Variants in ESR1 observed in about 807,000 individuals in gnomAD.
The protein encoded by ESR1 is estrogen receptor 1, also known as estrogen receptor.
In ESR1, 12 loss-of-function variants were observed where a neutral mutation model predicts 52.7. That is an observed-to-expected ratio of 0.23 (90% CI 0.15 to 0.37). The LOEUF is 0.37. ESR1 is among the 10% of genes least tolerant of loss of function. ESR1 has a pLI of 1.00. For missense variants in ESR1, 584 were observed against 779.7 expected (o/e 0.75, Z 2.99); for synonymous variants, 305 against 316.8 (o/e 0.96, Z 0.39).
intron 3 of ESR1, among the ~76,000 whole-genome samples, chr6:151,939,768 T>C (rs2034825746): frequency 6.6e-6 from 1 of 152,104 alleles, no homozygotes. Flanking sequence ...CATATAATAT[T>C]TTATATTATT....
chr6:151,815,733 C>G (rs937468276), intron 1 of ESR1, among the ~76,000 whole-genome samples: 3 of 152,318 alleles, frequency 2.0e-5, no homozygotes, highest in South Asian at 2.1e-4. Flanking sequence ...AGTCAACACT[C>G]ACGGTGCTTT....
intron 3 of ESR1, among the ~76,000 whole-genome samples, chr6:151,940,616 A>G (rs2034942843): frequency 6.6e-6 from 1 of 152,222 alleles, no homozygotes; most frequent in Non-Finnish European, 1.5e-5. Flanking sequence ...CCAAGAAGGG[A>G]AATATCATGA....
chr6:151,716,967 C>A (rs1781091078), intron 2 of ESR1, among the ~76,000 whole-genome samples: 1 of 152,206 alleles, frequency 6.6e-6, no homozygotes, highest in Non-Finnish European at 1.5e-5. Context: ...GAGGCATAGG[C>A]ACCCAAGGGA....
intron 2 of ESR1, among the ~76,000 whole-genome samples, chr6:151,749,765 G>A (rs928164198): frequency 6.6e-6 from 1 of 152,132 alleles, no homozygotes; most frequent in Non-Finnish European, 1.5e-5. Context: ...GAGGCAGCTC[G>A]CTGTGCTACT....
At chr6:151,744,850 T>C (rs1405880124) in intron 2 of ESR1, among the ~76,000 whole-genome samples, 1 of 152,236 alleles carries the variant, frequency 6.6e-6, no homozygotes, top group African/African-American at 2.4e-5. Context: ...TCAGCTCTTA[T>C]ATTTAGGTCT....
intron 2 of ESR1, among the ~76,000 whole-genome samples, chr6:151,875,362 A>C (rs185227241): frequency 1.4e-3 from 207 of 152,286 alleles, no homozygotes; most frequent in African/African-American, 4.7e-3. Flanking sequence ...ATAGAACCCC[A>C]GTCATCCCCC....
At chr6:151,755,640 CT>C (rs372816195) in intron 2 of ESR1, among the ~76,000 whole-genome samples, 60 of 145,684 alleles carry the variant, frequency 4.1e-4, no homozygotes, top group Middle Eastern at 7.0e-3. Flanking sequence ...TTTTTCTTTT[CT>C]TTTTTTTTTT....
At chr6:151,902,835 C>T (rs1045729749) in intron 3 of ESR1, among the ~76,000 whole-genome samples, 1 of 152,100 alleles carries the variant, frequency 6.6e-6, no homozygotes, top group Non-Finnish European at 1.5e-5. Context: ...AATCTAATCT[C>T]TAAATAAAAT....
intron 4 of ESR1, among the ~76,000 whole-genome samples, chr6:151,990,959 CAAAG>C (rs1320663687): frequency 6.6e-6 from 1 of 152,070 alleles, no homozygotes; most frequent in South Asian, 2.1e-4. Flanking sequence ...AGAAAAATGA[CAAAG>C]AAGAATTAAG....
intron 2 of ESR1, among the ~76,000 whole-genome samples, chr6:151,845,654 T>C (rs1784989434): frequency 6.6e-6 from 1 of 152,192 alleles, no homozygotes; most frequent in Non-Finnish European, 1.5e-5. Context: ...AGAATTTTAC[T>C]GAAACAGTAG....
chr6:151,807,708 A>G lies in ESR1; in HGVS notation c.-205A>G. The G allele has an allele frequency of 1.6e-6, 1 of 641,002 alleles. No individual in the cohort carries two copies. The highest frequency in any genetic ancestry group is 2.8e-6 in the Non-Finnish European group (1 of 356,600). 39.7% of individuals were successfully genotyped at this position (641,002 alleles called of 1,614,324 possible). Reference sequence around the variant, plus strand: ...GCTGGCGGAGGGCGTTCGTCCTGGGACTGCACTTGCTCCCGTCGGGTCGCC... The same window carrying G: ...GCTGGCGGAGGGCGTTCGTCCTGGGGCTGCACTTGCTCCCGTCGGGTCGCC... On this transcript the variant is annotated 5_prime_UTR_variant, in exon 1 of 8. Transcript: ENST00000206249.
chr6:152,127,711 C>T (rs1403182977), exon 7 of ESR1: 1 of 152,128 alleles, frequency 6.6e-6, no homozygotes, highest in African/African-American at 2.4e-5. Context: ...GGGAGAGGCT[C>T]TGTGCTGAGG....
intron 2 of ESR1, among the ~76,000 whole-genome samples, chr6:151,739,828 T>A (rs554026619): frequency 6.6e-6 from 1 of 152,334 alleles, no homozygotes; most frequent in Admixed American, 6.5e-5. Flanking sequence ...ACCTTTTAGT[T>A]GCATTTCTTA....
chr6:151,696,984 C>A (rs980818483), intron 1 of ESR1, among the ~76,000 whole-genome samples: 22 of 151,960 alleles, frequency 1.4e-4, no homozygotes, highest in African/African-American at 4.8e-4. Flanking sequence ...TTTTGGGAAA[C>A]CATCAGTCTG....
chr6:152,016,534 A>G (rs1451635519), intron 5 of ESR1, among the ~76,000 whole-genome samples: 1 of 152,164 alleles, frequency 6.6e-6, no homozygotes, highest in East Asian at 1.9e-4. Flanking sequence ...TAACAGTGAA[A>G]CATTGTGACC....
Position 152,121,686 on chromosome 6 carries a change from C to A in ESR1, c.851-3580C>A, listed in dbSNP as rs2813558. The A allele has an allele frequency of 0.23, 35,277 of 152,266 alleles. 4,219 individuals carry two copies. The highest frequency in any genetic ancestry group is 0.3 in the African/African-American group (12,351 of 41,406). The allele number at this position is 152,266 out of a possible 1,614,324, so 9.4% of individuals were successfully genotyped here. A position where few individuals can be genotyped will look rare whatever the true frequency, so the allele number is the denominator to read the frequency against. On this transcript the variant is annotated intron_variant, in intron 6 of 6. Coordinates refer to the ESR1 transcript ENST00000427531. ...TTAGGGAAAAAAAAGCACAGACAAA[C>A]TATTTTATAATATCTATAATAAATG... is the stretch of plus-strand genomic sequence containing the variant.
intron 4 of ESR1, among the ~76,000 whole-genome samples, chr6:151,949,200 C>A (rs990931152): frequency 2.0e-5 from 3 of 152,172 alleles, no homozygotes; most frequent in African/African-American, 7.2e-5. Context: ...GAGCCATGCG[C>A]TCTGAGGACT....
At chr6:151,915,871 A>C (rs77366480) in intron 3 of ESR1, among the ~76,000 whole-genome samples, 4,231 of 150,394 alleles carry the variant, frequency 0.028, 185 homozygotes, top group African/African-American at 0.098. Context: ...CTCTCTCTCT[A>C]TAGGAAACCA....
intron 1 of ESR1, among the ~76,000 whole-genome samples, chr6:151,680,495 C>T (rs1192834717): frequency 2.0e-5 from 3 of 152,156 alleles, no homozygotes; most frequent in Non-Finnish European, 2.9e-5. Flanking sequence ...CCACCATGCC[C>T]GGCCAGATGG....
Sources: allele counts gnomAD v4.1 joint callset (sites outside exome capture counted in the v4.1 genomes callset), GRCh38; gene constraint gnomAD v4.1.1; transcripts MANE v1.5; gene names NCBI Gene and HGNC (gene_info 2026-07-23, HGNC 2026-07-21).